DPYD: variants seen among roughly 807,000 people sequenced by gnomAD.
The protein encoded by DPYD is dihydropyrimidine dehydrogenase [NADP(+)].
Under a neutral mutation model 116.2 loss-of-function variants are expected in DPYD, and 109 were observed. That is an observed-to-expected ratio of 0.94 (90% confidence interval 0.80 to 1.10). DPYD has a LOEUF of 1.10. Ranked by LOEUF, DPYD falls within the 50% of genes least tolerant of loss-of-function variation. The probability of loss-of-function intolerance (pLI) is 0.00; values close to 1 mark genes in which losing one functional copy is unlikely to be tolerated. For synonymous variants in DPYD, 440 were observed against 432.0 expected, an observed-to-expected ratio of 1.02 and a Z score of -0.23; for missense variants, 1,302 against 1,254.5, an observed-to-expected ratio of 1.04 and a Z score of -0.57.
At chr1:97,561,796 C>T in intron 11 of DPYD, among the ~76,000 whole-genome samples, 1 of 152,170 alleles carries the variant, frequency 6.6e-6, no homozygotes. Flanking sequence ...AGCCTGTTTA[C>T]TATAACTGGA....
At chr1:97,446,606 C>T (rs1352595557) in intron 14 of DPYD, among the ~76,000 whole-genome samples, 1 of 152,190 alleles carries the variant, frequency 6.6e-6, no homozygotes, top group African/African-American at 2.4e-5. Context: ...ATTTCCTTTT[C>T]TATCTTCACT....
At chr1:97,914,537 G>T (rs1371939408) in intron 1 of DPYD, among the ~76,000 whole-genome samples, 3 of 152,002 alleles carry the variant, frequency 2.0e-5, no homozygotes, top group African/African-American at 7.3e-5. Context: ...AAAACACTCA[G>T]AAAAACACAG....
intron 3 of DPYD, chr1:97,797,230 T>C (rs946384298): frequency 7.2e-5 from 11 of 152,140 alleles, no homozygotes; most frequent in African/African-American, 2.2e-4. Context: ...CAAACACATA[T>C]ATACACAAAT....
intron 13 of DPYD, among the ~76,000 whole-genome samples, chr1:97,457,326 A>ATGTGG (rs1385979368): frequency 6.6e-6 from 1 of 152,140 alleles, no homozygotes; most frequent in Non-Finnish European, 1.5e-5. Flanking sequence ...TATATAAAGC[A>ATGTGG]TGTGGTGTCT....
At position 97,721,667 on chromosome 1, in the gene DPYD, T is replaced by C. The variant is rs1312400771; in HGVS notation, c.326A>G (p.Tyr109Cys). ...AAATATCATCTTAGCAGCTCCATAA[T>C]AGTTCTGCAAAATTAATACAAAATA... ...SFITSIANKNYYGAAKMIFSD... is the reference protein window; with the variant it reads ...SFITSIANKNCYGAAKMIFSD... Residue 109 changes from tyrosine to cysteine, a missense_variant, in exon 5 of 23, where the codon TAT becomes TGT. Tyr to Cys is a radical substitution (Grantham distance 194). Coordinates refer to ENST00000370192, the MANE Select transcript of DPYD (RefSeq NM_000110.4). 3.1e-6 allele frequency: 5 copies of C among 1,610,914 alleles called. No individual in the cohort carries two copies. The highest frequency in any genetic ancestry group is 4.2e-6 in the Non-Finnish European group (5 of 1,177,868).
At chr1:97,748,055 TG>T (rs763850667) in intron 3 of DPYD, among the ~76,000 whole-genome samples, 61 of 152,300 alleles carry the variant, frequency 4.0e-4, no homozygotes, top group Non-Finnish European at 8.1e-4. Flanking sequence ...GAAGAGTCAA[TG>T]TATAATGTTT....
chr1:97,134,009 AAAAAAATATATATAT>A (rs1349989714), intron 20 of DPYD, among the ~76,000 whole-genome samples: 10 of 47,882 alleles, frequency 2.1e-4, no homozygotes, highest in Admixed American at 5.0e-4. Flanking sequence ...AAAAAAAAAA[AAAAAAATATATATAT>A]ATATATATAT....
chr1:97,385,280 CAAAAAAAAAAAAAAAAAAAAAAAAAAA>C (rs567156406), intron 14 of DPYD, among the ~76,000 whole-genome samples: 10 of 48,926 alleles, frequency 2.0e-4, no homozygotes, highest in Non-Finnish European at 3.1e-4. Context: ...GCATTCCTTG[CAAAAAAAAAAAAAAAAAAAAAAAAAAA>C]AAAAAAAAAA....
intron 20 of DPYD, among the ~76,000 whole-genome samples, chr1:97,123,569 T>C (rs1050723418): frequency 6.6e-6 from 1 of 152,110 alleles, no homozygotes; most frequent in Admixed American, 6.6e-5. Flanking sequence ...ACTAGCTTAT[T>C]TACAAAATTT....
At chr1:97,443,282 A>G (rs1046210163) in intron 14 of DPYD, among the ~76,000 whole-genome samples, 7 of 152,230 alleles carry the variant, frequency 4.6e-5, no homozygotes, top group Non-Finnish European at 1.0e-4. Flanking sequence ...TCCACAAAAT[A>G]ATGTCACTAG....
At chr1:97,412,330 G>C (rs1031126245) in intron 14 of DPYD, among the ~76,000 whole-genome samples, 1 of 152,076 alleles carries the variant, frequency 6.6e-6, no homozygotes, top group Non-Finnish European at 1.5e-5. Flanking sequence ...ATACTTTCCA[G>C]CTTGCTCACA....
intron 2 of DPYD, among the ~76,000 whole-genome samples, chr1:97,881,999 T>TA (rs1672248823): frequency 6.6e-6 from 1 of 151,468 alleles, no homozygotes; most frequent in East Asian, 2.0e-4. Context: ...CCCTAAAACT[T>TA]AAAGTATAAT....
At chr1:97,834,893 A>AT (rs1288231606) in intron 2 of DPYD, among the ~76,000 whole-genome samples, 1 of 152,022 alleles carries the variant, frequency 6.6e-6, no homozygotes, top group Non-Finnish European at 1.5e-5. Context: ...GTAAGAAATA[A>AT]TTACTATATT....
chr1:97,407,747 C>A (rs2101656250), intron 14 of DPYD, among the ~76,000 whole-genome samples: 1 of 152,242 alleles, frequency 6.6e-6, no homozygotes, highest in Non-Finnish European at 1.5e-5. Flanking sequence ...GTAGAAGTGA[C>A]ACCACTCACC....
At position 97,715,442 on chromosome 1, in the gene DPYD, A is replaced by G. The variant is rs183847039; in HGVS notation, c.483+6068T>C. Among the ~76,000 whole-genome samples the G allele has an allele frequency of 5.9e-5, 9 of 152,256 alleles. No individual in the cohort carries two copies. In the East Asian group the frequency reaches 1.5e-3, roughly 26 times the overall value. On this transcript the variant is annotated intron_variant, in intron 5 of 22. Transcript: ENST00000370192. ...TGGCTTTATTTCCTGAGAAACTACA[A>G]TGTTCCCTAGGACTTGTAGTAAAGA...
At chr1:97,610,977 G>GTA (rs768687529) in intron 8 of DPYD, among the ~76,000 whole-genome samples, 24 of 145,076 alleles carry the variant, frequency 1.7e-4, no homozygotes, top group Non-Finnish European at 2.3e-4. Flanking sequence ...TTGTGTGTGT[G>GTA]TATATATATA....
chr1:97,387,296 T>C (rs1672402515), intron 14 of DPYD, among the ~76,000 whole-genome samples: 1 of 152,052 alleles, frequency 6.6e-6, no homozygotes, highest in African/African-American at 2.4e-5. Context: ...ATAAGAGGAA[T>C]TAAATGGCAC....
At chr1:97,162,772 C>T (rs931419301) in intron 20 of DPYD, among the ~76,000 whole-genome samples, 3 of 151,860 alleles carry the variant, frequency 2.0e-5, no homozygotes, top group African/African-American at 7.3e-5. Context: ...GGTACTGGTA[C>T]CAAAACAGAG....
intron 18 of DPYD, among the ~76,000 whole-genome samples, chr1:97,294,029 T>C (rs1486929109): frequency 2.0e-5 from 3 of 152,082 alleles, no homozygotes; most frequent in African/African-American, 4.8e-5. Flanking sequence ...GTTTCTTACA[T>C]GTCTACTATG....
Sources: gnomAD v4.1 joint callset for allele counts (sites outside exome capture counted in the v4.1 genomes callset) on GRCh38, gnomAD v4.1.1 for gene constraint, MANE v1.5 for transcripts, NCBI Gene and HGNC (gene_info 2026-07-23, HGNC 2026-07-21) for gene names.